The following GLIS3 variants were observed in gnomAD, a reference collection of about 807,000 sequenced individuals.
The protein encoded by GLIS3 is GLIS family zinc finger 3, also known as zinc finger protein GLIS3.
GLIS3 carries 53 observed loss-of-function variants against 78.6 expected under a neutral mutation model. The ratio of observed to expected loss-of-function variants is 0.67; its 90% CI spans 0.54 to 0.85. The LOEUF (loss-of-function observed/expected upper bound fraction) is 0.85, where lower values mean the gene tolerates loss of function less well. Among genes scored for constraint, GLIS3 ranks in the 40% least tolerant of loss-of-function variants. The pLI is 0.00. For synonymous variants in GLIS3, 684 were observed against 509.9 expected (o/e 1.34, Z -4.60); for missense variants, 1,703 against 1,231.1 (o/e 1.38, Z -5.74).
At chr9:4,143,651 T>C in intron 2 of GLIS3, among the ~76,000 whole-genome samples, 1 of 152,244 alleles carries the variant, frequency 6.6e-6, no homozygotes, top group Non-Finnish European at 1.5e-5. Context: ...GTCACCACAT[T>C]GTGCATGAGC....
chr9:4,321,421 C>CAA (rs35583742), intron 2 of GLIS3, among the ~76,000 whole-genome samples: 492 of 16,294 alleles, frequency 0.03, 214 homozygotes, highest in Non-Finnish European at 0.039. Flanking sequence ...GACTCCGTCT[C>CAA]AAAAAAAAAA....
chr9:4,442,419 C>G, the GLIS3 span, among the ~76,000 whole-genome samples: 1 of 151,992 alleles, frequency 6.6e-6, no homozygotes, highest in African/African-American at 2.4e-5. Context: ...CCCTCCCCAC[C>G]CCCTAAAGAA....
chr9:4,235,606 T>C (rs1164751436), intron 2 of GLIS3, among the ~76,000 whole-genome samples: 1 of 152,130 alleles, frequency 6.6e-6, no homozygotes, highest in Non-Finnish European at 1.5e-5. Context: ...TAGCCAGCAG[T>C]CCTCCTGTCT....
intron 4 of GLIS3, among the ~76,000 whole-genome samples, chr9:3,987,609 G>T (rs1819847907): frequency 6.6e-6 from 1 of 150,890 alleles, no homozygotes; most frequent in African/African-American, 2.4e-5. Context: ...GGCTGAGGCA[G>T]GCACTTGAAC....
rs1267184983 is a variant in GLIS3 at position 4,063,989 on chromosome 9, T to A, written c.1710+53779A>T. The stretch of plus-strand genomic sequence containing the variant: ...AACAGAAAAGGTCCTGTTCCAGATG[T>A]CAAATATATTTCAAAGACTTTTTTT... On this transcript the variant is annotated intron_variant, in intron 4 of 10. Transcript: ENST00000381971. Among the ~76,000 whole-genome samples, 3 of 152,118 alleles carry A rather than the reference T, an allele frequency of 2.0e-5. No homozygotes were observed. The East Asian group carries it at 5.8e-4, about 29-fold the overall frequency.
At position 3,838,860 on chromosome 9, in the gene GLIS3, G is replaced by C. The variant is rs112528854; in HGVS notation, c.2474-9368C>G. ...CTTGCTCTCTGGGGACCCTTGACCT[G>C]CTGCCTTGGAAAACCTTCTGTAATC... On this transcript the variant is annotated intron_variant, in intron 9 of 10. Coordinates refer to ENST00000381971, the MANE Select transcript of GLIS3 (RefSeq NM_001042413.2). 1.1e-4 allele frequency among the ~76,000 whole-genome samples: 17 copies of C among 152,254 alleles called. 1 individual carries two copies. Among genetic ancestry groups the C allele is most frequent in the African/African-American group, 4.1e-4 (17 of 41,540 alleles).
At chr9:4,042,929 T>C (rs1233241682) in intron 4 of GLIS3, among the ~76,000 whole-genome samples, 3 of 146,746 alleles carry the variant, frequency 2.0e-5, no homozygotes, top group Admixed American at 6.8e-5. Flanking sequence ...GGACGCCAAG[T>C]CATTAGAGCT....
At chr9:4,230,057 T>C (rs896071880) in intron 2 of GLIS3, among the ~76,000 whole-genome samples, 3 of 152,178 alleles carry the variant, frequency 2.0e-5, no homozygotes, top group Non-Finnish European at 4.4e-5. Flanking sequence ...TTGGCATTCC[T>C]GGGGAAAGGA....
the GLIS3 span, among the ~76,000 whole-genome samples, chr9:4,435,977 A>G: frequency 2.0e-5 from 3 of 151,400 alleles, no homozygotes; most frequent in Non-Finnish European, 4.4e-5. Flanking sequence ...ACAAAACAAA[A>G]ACAAACAAAT....
intron 2 of GLIS3, among the ~76,000 whole-genome samples, chr9:4,321,184 G>T (rs559067371): frequency 6.7e-6 from 1 of 150,342 alleles, no homozygotes; most frequent in East Asian, 2.0e-4. Context: ...ACTTTGGGAG[G>T]CCGAGGCGGG....
At chr9:4,381,816 C>A in the GLIS3 span, among the ~76,000 whole-genome samples, 1 of 152,162 alleles carries the variant, frequency 6.6e-6, no homozygotes, top group East Asian at 1.9e-4. Context: ...GAGGAAGAGC[C>A]ATTATTTCTT....
chr9:4,129,792 G>A (rs559409525), intron 2 of GLIS3, among the ~76,000 whole-genome samples: 4 of 152,332 alleles, frequency 2.6e-5, no homozygotes, highest in South Asian at 4.1e-4. Flanking sequence ...TGAAAATGTG[G>A]AAGAAGCTTT....
At chr9:4,260,150 G>C (rs1269034847) in intron 2 of GLIS3, among the ~76,000 whole-genome samples, 2 of 152,200 alleles carry the variant, frequency 1.3e-5, no homozygotes, top group South Asian at 2.1e-4. Context: ...TTAAAAGACT[G>C]ACATTGGGCC....
chr9:4,385,113 T>C, the GLIS3 span, among the ~76,000 whole-genome samples: 338 of 152,354 alleles, frequency 2.2e-3, no homozygotes, highest in Non-Finnish European at 4.2e-3. Flanking sequence ...CTAACACTCC[T>C]CAGAACAGTT....
At chr9:4,217,848 A>G (rs1820989821) in intron 2 of GLIS3, among the ~76,000 whole-genome samples, 1 of 152,248 alleles carries the variant, frequency 6.6e-6, no homozygotes. Context: ...ATTCTGCAGC[A>G]GCATGAAATA....
intron 2 of GLIS3, among the ~76,000 whole-genome samples, chr9:4,284,202 C>A (rs897076638): frequency 6.6e-6 from 1 of 152,190 alleles, no homozygotes; most frequent in Non-Finnish European, 1.5e-5. Flanking sequence ...CCATAGCATA[C>A]AACTCAGTGC....
chr9:4,012,765 CTTTTTTTTTTTTTT>C (rs71324278), intron 4 of GLIS3, among the ~76,000 whole-genome samples: 20 of 66,500 alleles, frequency 3.0e-4, no homozygotes, highest in Non-Finnish European at 4.8e-4. Flanking sequence ...TTTTCTTTTT[CTTTTTTTTTTTTTT>C]TTTTTTTTTT....
At chr9:4,475,239 G>A in the GLIS3 span, among the ~76,000 whole-genome samples, 3 of 152,116 alleles carry the variant, frequency 2.0e-5, no homozygotes, top group Non-Finnish European at 4.4e-5. Context: ...CCAGAAAAGG[G>A]CTCACATAGA....
the GLIS3 span, among the ~76,000 whole-genome samples, chr9:4,464,596 T>C: frequency 1.3e-5 from 2 of 152,158 alleles, no homozygotes; most frequent in Non-Finnish European, 2.9e-5. Context: ...GATTTCACCA[T>C]GTTGGCCAGG....
Sources: allele counts gnomAD v4.1 joint callset (sites outside exome capture counted in the v4.1 genomes callset), GRCh38; gene constraint gnomAD v4.1.1; transcripts MANE v1.5; gene names NCBI Gene and HGNC (gene_info 2026-07-23, HGNC 2026-07-21).